RBM34: variants seen among roughly 807,000 people sequenced by gnomAD.
RBM34 encodes the protein RNA binding motif protein 34.
A neutral mutation model predicts 44.6 loss-of-function variants in RBM34; 39 were observed. The observed-to-expected ratio is 0.87, with a 90% CI of 0.68 to 1.14. The LOEUF (loss-of-function observed/expected upper bound fraction) is 1.14. Ranked by LOEUF, RBM34 falls within the 50% of genes most tolerant of loss-of-function variation. The pLI, the probability that RBM34 is intolerant of heterozygous loss-of-function variation, is 0.00. For missense variants in RBM34, 572 were observed against 517.9 expected (o/e 1.10, Z -1.01); for synonymous variants, 194 against 184.0 (o/e 1.05, Z -0.44).
chr1:235,148,801 G>GT (rs1558144715), intron 5 of RBM34, among the ~76,000 whole-genome samples: 7 of 151,754 alleles, frequency 4.6e-5, no homozygotes, highest in East Asian at 2.0e-4. Flanking sequence ...GGTTTCATCA[G>GT]GTTAGCCAGG....
Position 235,160,633 on chromosome 1 carries a change from T to C in RBM34, c.243A>G (p.Lys81=), listed in dbSNP as rs188226853. Residue 81 remains lysine (K), a synonymous_variant, in exon 3 of 11, where the codon AAA becomes AAG. Coordinates refer to ENST00000408888, the MANE Select transcript of RBM34 (RefSeq NM_015014.4). ...YVPVPKQTIK[K]TKRNEEEEST... is the part of the protein sequence containing the mutation. Reference sequence around the variant, plus strand: ...TTTCTTCCTCCTCATTCCGTTTCGTTTTTTTGATGGTTTGCTTTTTAAAAG... The same window carrying C: ...TTTCTTCCTCCTCATTCCGTTTCGTCTTTTTGATGGTTTGCTTTTTAAAAG... The C allele has an allele frequency of 8.7e-6, 14 of 1,611,316 alleles. No homozygotes were observed. In the African/African-American group the frequency reaches 1.5e-4, roughly 17 times the overall value.
chr1:235,140,326 G>A (rs976406559), intron 6 of RBM34, among the ~76,000 whole-genome samples: 47 of 152,252 alleles, frequency 3.1e-4, no homozygotes, highest in African/African-American at 1.0e-3. Context: ...CGGCGCTTGC[G>A]GGCCAGCTGG....
At chr1:235,160,823 T>C in intron 2 of RBM34, 70 bp downstream of exon 2, 5 of 1,568,212 alleles carry the variant, frequency 3.2e-6, no homozygotes, top group African/African-American at 1.4e-5. Context: ...CTTCACGCGG[T>C]AGGTAAGAAG....
intron 3 of RBM34, 58 bp from the exon 4 acceptor site, chr1:235,155,170 T>C: frequency 2.9e-6 from 4 of 1,390,626 alleles, no homozygotes; most frequent in Non-Finnish European, 4.0e-6. Flanking sequence ...GGTCTAGTAT[T>C]TGACAAAGCA....
rs773144416 is a variant in RBM34 at position 235,137,988 on chromosome 1, G to A, written c.786-48C>T. ...AAATGGTTGTTAAAAATGAGCACTC[G>A]ATTACTAAAACATCTATGCTAAAGT... On this transcript the variant is annotated intron_variant, in intron 7 of 10. Coordinates refer to ENST00000408888, the MANE Select transcript of RBM34 (RefSeq NM_015014.4). The A allele has an allele frequency of 2.6e-6, 4 of 1,545,604 alleles. No homozygotes were observed. The Admixed American group carries it at 5.1e-5, about 20-fold the overall frequency.
intron 6 of RBM34, among the ~76,000 whole-genome samples, chr1:235,140,556 C>T (rs1377634051): frequency 1.3e-5 from 2 of 152,230 alleles, no homozygotes; most frequent in African/African-American, 4.8e-5. Context: ...ACCTGCAGCC[C>T]GCTATGCCTG....
Position 235,133,327 on chromosome 1 carries a change from T to C in RBM34, c.1009-1330A>G, listed in dbSNP as rs536069236. Among the ~76,000 whole-genome samples, 5 of 152,176 alleles carry C rather than the reference T, an allele frequency of 3.3e-5. No individual in the cohort carries two copies. The South Asian group carries it at 1.0e-3, about 32-fold the overall frequency. On this transcript the variant is annotated intron_variant, in intron 10 of 10. Transcript: ENST00000408888. ...AAGCACTCCAGCCTGAGCAACAGAGTGAGACTCTGTCTCAAAAACAAAAAA... is the reference window on the plus strand; with the variant it reads ...AAGCACTCCAGCCTGAGCAACAGAGCGAGACTCTGTCTCAAAAACAAAAAA...
At chr1:235,135,795 GAAGTA>G in intron 9 of RBM34, 25 bp from the exon 10 acceptor site, 1 of 1,583,014 alleles carries the variant, frequency 6.3e-7, no homozygotes. Flanking sequence ...AATCAAAATG[GAAGTA>G]AAGAGTTGGG....
intron 6 of RBM34, among the ~76,000 whole-genome samples, chr1:235,143,609 G>C (rs897595198): frequency 6.6e-6 from 1 of 152,126 alleles, no homozygotes; most frequent in African/African-American, 2.4e-5. Flanking sequence ...ATGGTGGTAT[G>C]TGTCTGTAAT....
rs1035217510 is a variant in RBM34, at chr1:235,131,845, A to C, written c.1161T>G (p.Leu387=). 1 of 1,614,138 alleles carries C rather than the reference A, an allele frequency of 6.2e-7. No homozygotes were observed. The highest frequency in any genetic ancestry group is 8.5e-7 in the Non-Finnish European group (1 of 1,180,004). ...LKNVSKPKQG[L]NFTSKTAEGH... ...CTTCTGCAGTTTTGGAAGTAAAATTAAGTCCCTGCTTAGGTTTACTGACAT... is the reference window on the plus strand; with the variant it reads ...CTTCTGCAGTTTTGGAAGTAAAATTCAGTCCCTGCTTAGGTTTACTGACAT... The change falls in exon 11 of 11, where the codon CTT becomes CTG. Residue 387 remains leucine (L), a synonymous_variant. Transcript: ENST00000408888.
rs186136552 is a variant in RBM34 at position 235,136,930 on chromosome 1, C to G, written c.850-857G>C. Reference sequence around the variant, plus strand: ...CTCACCATTTATACTGTTTTTCCTCCCAGACATGGCCCTCAGCCTTTACAA... The same window carrying G: ...CTCACCATTTATACTGTTTTTCCTCGCAGACATGGCCCTCAGCCTTTACAA... On this transcript the variant is annotated intron_variant, in intron 8 of 10. Coordinates refer to ENST00000408888, the MANE Select transcript of RBM34 (RefSeq NM_015014.4). Among the ~76,000 whole-genome samples, 7 of 152,314 alleles carry G rather than the reference C, an allele frequency of 4.6e-5. No individual in the cohort carries two copies. In the East Asian group the frequency reaches 1.2e-3, roughly 25 times the overall value.
chr1:235,160,193 A>C (rs1384927748), intron 3 of RBM34: 2 of 465,736 alleles, frequency 4.3e-6, no homozygotes, highest in Admixed American at 5.2e-5. Flanking sequence ...CGGAGGTTGC[A>C]GTGAGCTGAG....
intron 10 of RBM34, 93 bp from the exon 11 acceptor site, chr1:235,132,090 T>C: frequency 8.0e-7 from 1 of 1,252,620 alleles, no homozygotes; most frequent in Admixed American, 2.3e-5. Flanking sequence ...AGAACGACTT[T>C]CAAGCTTGCA....
At chr1:235,136,300 G>A (rs547858352) in intron 8 of RBM34, among the ~76,000 whole-genome samples, 5 of 152,286 alleles carry the variant, frequency 3.3e-5, no homozygotes, top group African/African-American at 1.2e-4. Context: ...ACTGACACAC[G>A]GTAGGGATCA....
At position 235,160,151 on chromosome 1, in the gene RBM34, C is replaced by T. The variant is rs187649003; in HGVS notation, c.365+360G>A. On this transcript the variant is annotated intron_variant, in intron 3 of 10. Coordinates refer to ENST00000408888, the MANE Select transcript of RBM34 (RefSeq NM_015014.4). ...GGCCTGTAGTCCCACCTACTCAGGGCCGAGGCAGGAGAATCGCTTGAACCT... is the reference window on the plus strand; with the variant it reads ...GGCCTGTAGTCCCACCTACTCAGGGTCGAGGCAGGAGAATCGCTTGAACCT... The T allele has an allele frequency of 7.7e-4, 307 of 399,938 alleles. 1 individual carries two copies. Among genetic ancestry groups the T allele is most frequent in the African/African-American group, 6.2e-3 (297 of 48,200 alleles). The allele number at this position is 399,938 out of a possible 1,614,324, so 24.8% of individuals were successfully genotyped here.
At chr1:235,149,692 C>A (rs1393971141) in intron 5 of RBM34, among the ~76,000 whole-genome samples, 1 of 152,090 alleles carries the variant, frequency 6.6e-6, no homozygotes. Flanking sequence ...AAATACACGT[C>A]AACAACTACA....
chr1:235,150,715 CAAG>C (rs1662123280), intron 5 of RBM34, among the ~76,000 whole-genome samples: 1 of 152,058 alleles, frequency 6.6e-6, no homozygotes, highest in South Asian at 2.1e-4. Context: ...GCTGGTAACC[CAAG>C]AAGAAGTAAG....
intron 5 of RBM34, among the ~76,000 whole-genome samples, chr1:235,149,232 C>CA (rs979480614): frequency 2.8e-4 from 42 of 151,392 alleles, no homozygotes; most frequent in African/African-American, 9.9e-4. Context: ...ACTAGAAATA[C>CA]AAAAAAATTA....
chr1:235,135,898 G>T (rs887417820), intron 9 of RBM34, 128 bp from the exon 10 acceptor site: 28 of 1,207,472 alleles, frequency 2.3e-5, no homozygotes, highest in Admixed American at 4.2e-5. Flanking sequence ...ACACTTTTTA[G>T]TACATGTGCT....
Sources: gnomAD v4.1 joint callset for allele counts (sites outside exome capture counted in the v4.1 genomes callset) on GRCh38, gnomAD v4.1.1 for gene constraint, MANE v1.5 for transcripts, NCBI Gene and HGNC (gene_info 2026-07-23, HGNC 2026-07-21) for gene names.